The following XIRP2 variants were observed in gnomAD, a reference collection of about 807,000 sequenced individuals.
The protein encoded by XIRP2 is xin actin binding repeat containing 2.
In XIRP2, 236 loss-of-function variants were observed where a neutral mutation model predicts 277.0. The observed-to-expected ratio is 0.85, with a 90% CI of 0.77 to 0.95. The LOEUF (loss-of-function observed/expected upper bound fraction) is 0.95. Ranked by LOEUF, XIRP2 falls within the 40% of genes least tolerant of loss-of-function variation. XIRP2 has a pLI of 0.00. For missense variants in XIRP2, 4,640 were observed against 4,157.5 expected (o/e 1.12, Z -3.19); for synonymous variants, 1,490 against 1,416.5 (o/e 1.05, Z -1.17).
chr2:167,233,990 C>T (rs546332081), intron 5 of XIRP2, among the ~76,000 whole-genome samples: 31 of 151,508 alleles, frequency 2.0e-4, no homozygotes, highest in South Asian at 6.2e-4. Flanking sequence ...ATATGTTTGA[C>T]GACTCAGTTG....
rs755142317 is a variant in XIRP2 at position 167,218,129 on chromosome 2, G to A, written c.724-37G>A. 1.1e-5 allele frequency: 16 copies of A among 1,480,212 alleles called. No homozygotes were observed. In the African/African-American group the frequency reaches 2.1e-4, roughly 20 times the overall value. The allele number at this position is 1,480,212 out of a possible 1,614,324, so 91.7% of individuals were successfully genotyped here. The stretch of plus-strand genomic sequence containing the variant: ...CTTCAGAATCCCATCCTGCACAGCT[G>A]TAAAGCTGAATTTTCCTTTTTCTTA... On this transcript the variant is annotated intron_variant, in intron 4 of 10. Coordinates refer to ENST00000409195, the MANE Select transcript of XIRP2 (RefSeq NM_152381.6).
At position 167,250,717 on chromosome 2, in the gene XIRP2, A is replaced by G; in HGVS notation, c.9325A>G (p.Ile3109Val). The G allele has an allele frequency of 6.2e-7, 1 of 1,613,620 alleles. No individual in the cohort carries two copies. The highest frequency in any genetic ancestry group is 1.1e-5 in the South Asian group (1 of 91,078). Residue 3109 changes from isoleucine to valine, a missense_variant, in exon 9 of 11, where the codon ATT (isoleucine) becomes GTT (valine). By Grantham distance (29) the Ile-to-Val change is conservative. Transcript: ENST00000409195. ...HQEIKLDDSN[I>V]PPPSLKTRPP... ...GGAAATTAAACTTGATGATAGCAAC[A>G]TTCCTCCTCCCTCTTTAAAAACACG...
At chr2:167,109,755 T>C (rs1293903929) in intron 2 of XIRP2, among the ~76,000 whole-genome samples, 4 of 152,070 alleles carry the variant, frequency 2.6e-5, no homozygotes, top group African/African-American at 9.7e-5. Context: ...AAGCCATTGC[T>C]TTCTACAGTG....
chr2:167,005,195 T>TA (rs1687475872), intron 2 of XIRP2, among the ~76,000 whole-genome samples: 1 of 151,926 alleles, frequency 6.6e-6, no homozygotes, highest in African/African-American at 2.4e-5. Context: ...CTGCACATAA[T>TA]AAGGAAGTGA....
At chr2:166,982,059 T>G (rs988277932) in intron 2 of XIRP2, among the ~76,000 whole-genome samples, 1 of 151,950 alleles carries the variant, frequency 6.6e-6, no homozygotes, top group Non-Finnish European at 1.5e-5. Flanking sequence ...TTGTCCTAGT[T>G]TTCTTTTACT....
intron 5 of XIRP2, 54 bp from the exon 6 acceptor site, chr2:167,239,801 A>G (rs1040651671): frequency 1.0e-5 from 15 of 1,496,788 alleles, no homozygotes; most frequent in Non-Finnish European, 1.4e-5. Context: ...AAATAAAAAA[A>G]GTTAAAATTT....
At chr2:167,231,476 C>A (rs951068495) in intron 5 of XIRP2, among the ~76,000 whole-genome samples, 1 of 151,892 alleles carries the variant, frequency 6.6e-6, no homozygotes, top group Admixed American at 6.6e-5. Context: ...ATGAGTGGCA[C>A]CCCTTTTCTT....
intron 5 of XIRP2, among the ~76,000 whole-genome samples, chr2:167,219,238 C>T (rs1694351019): frequency 6.6e-6 from 1 of 151,892 alleles, no homozygotes; most frequent in African/African-American, 2.4e-5. Context: ...ATATAGGTAG[C>T]TCAATAAATT....
intron 2 of XIRP2, among the ~76,000 whole-genome samples, chr2:167,132,757 C>T (rs574527248): frequency 7.2e-5 from 11 of 152,234 alleles, no homozygotes; most frequent in Admixed American, 3.3e-4. Flanking sequence ...AAGCTCTTCA[C>T]GTAGTTAAGC....
At chr2:167,202,690 C>T (rs1292766948) in intron 3 of XIRP2, among the ~76,000 whole-genome samples, 1 of 152,176 alleles carries the variant, frequency 6.6e-6, no homozygotes, top group Non-Finnish European at 1.5e-5. Context: ...TGGACAGACA[C>T]ATGTATGTGT....
chr2:167,038,531 G>A (rs1400118817), intron 2 of XIRP2, among the ~76,000 whole-genome samples: 5 of 150,770 alleles, frequency 3.3e-5, no homozygotes, highest in Admixed American at 3.3e-4. Context: ...TCCAGAGAAA[G>A]CTTAGTTCTG....
At position 166,903,605 on chromosome 2, in the gene XIRP2, C is replaced by A; in HGVS notation, c.123C>A (p.Ser41Arg). 1 of 1,613,616 alleles carries A rather than the reference C, an allele frequency of 6.2e-7. No individual in the cohort carries two copies. The highest frequency in any genetic ancestry group is 8.5e-7 in the Non-Finnish European group (1 of 1,179,766). The change falls in exon 2 of 11, where the codon AGC (serine) becomes AGA (arginine). Residue 41 changes from serine to arginine, a missense_variant. Physicochemically the swap from Ser to Arg is moderately radical, Grantham distance 110 (BLOSUM62 -1). Transcript: ENST00000409195. ...SHCTIFQPQE[S>R]KLLAPEGEVV... ...GTACAATTTTCCAGCCTCAGGAAAG[C>A]AAATTGCTTGCGCCTGAAGGAGAGG...
chr2:167,105,035 T>G (rs62197384), intron 2 of XIRP2, among the ~76,000 whole-genome samples: 9,416 of 152,120 alleles, frequency 0.062, 418 homozygotes, highest in Non-Finnish European at 0.094. Context: ...ATATATTGAA[T>G]AGCAAAACCC....
intron 2 of XIRP2, among the ~76,000 whole-genome samples, chr2:166,979,131 C>G (rs1364027638): frequency 6.6e-6 from 1 of 152,042 alleles, no homozygotes; most frequent in Non-Finnish European, 1.5e-5. Context: ...AATCTTTATG[C>G]CTTTTTTCAT....
rs556211010 is a variant in XIRP2, at chr2:167,250,809, C to A, written c.9417C>A (p.Asn3139Lys). Residue 3139 changes from asparagine to lysine, a missense_variant, in exon 9 of 11, where the codon AAC becomes AAA. Coordinates refer to ENST00000409195, the MANE Select transcript of XIRP2 (RefSeq NM_152381.6). ...GACGAACAGAAAACCCTACTAAGAA[C>A]GAGCTTTCTCAGTCCCCTAAAAAGG... is the stretch of plus-strand genomic sequence containing the variant. ...TARRTENPTK[N>K]ELSQSPKKDS... is the part of the protein sequence containing the mutation. The A allele has an allele frequency of 6.2e-7, 1 of 1,613,440 alleles. No homozygotes were observed. Among genetic ancestry groups the A allele is most frequent in the East Asian group, 2.2e-5 (1 of 44,818 alleles).
At chr2:167,060,366 A>C (rs183509607) in intron 2 of XIRP2, among the ~76,000 whole-genome samples, 66 of 152,248 alleles carry the variant, frequency 4.3e-4, no homozygotes, top group African/African-American at 1.6e-3. Flanking sequence ...GAGTATTTAC[A>C]TGCCTCTTCA....
Position 167,250,590 on chromosome 2 carries a change from T to C in XIRP2, c.9198T>C (p.Asn3066=). 1.2e-6 allele frequency: 2 copies of C among 1,613,204 alleles called. No individual in the cohort carries two copies. The highest frequency in any genetic ancestry group is 2.2e-5 in the East Asian group (1 of 44,802). ...VSNVHVSNNK[N]SEQKENKIAK... ...ATGTTCATGTCAGCAATAATAAAAA[T>C]AGTGAACAGAAAGAAAATAAAATTG... Residue 3066 remains asparagine, a synonymous_variant, in exon 9 of 11, where the codon AAT becomes AAC. Transcript: ENST00000409195.
intron 2 of XIRP2, among the ~76,000 whole-genome samples, chr2:167,031,425 A>C (rs532328057): frequency 6.6e-6 from 1 of 152,200 alleles, no homozygotes; most frequent in African/African-American, 2.4e-5. Context: ...CTTGTCTTTA[A>C]AGGATTTTAT....
At chr2:166,911,471 C>T (rs1185748547) in intron 2 of XIRP2, among the ~76,000 whole-genome samples, 1 of 152,084 alleles carries the variant, frequency 6.6e-6, no homozygotes, top group Admixed American at 6.6e-5. Context: ...GGTAGATCTT[C>T]CTTCATCCCT....
Sources: allele counts gnomAD v4.1 joint callset (sites outside exome capture counted in the v4.1 genomes callset), GRCh38; gene constraint gnomAD v4.1.1; transcripts MANE v1.5; gene names NCBI Gene and HGNC (gene_info 2026-07-23, HGNC 2026-07-21).